The following SGMS1 variants were observed in gnomAD, a reference collection of about 807,000 sequenced individuals.
SGMS1 encodes the protein sphingomyelin synthase 1, also known as phosphatidylcholine:ceramide cholinephosphotransferase 1.
In SGMS1, 13 loss-of-function variants were observed where a neutral mutation model predicts 46.2. That is an observed-to-expected ratio of 0.28 (90% CI 0.18 to 0.45). SGMS1 has a LOEUF of 0.45. SGMS1 is among the 20% of genes least tolerant of loss of function. SGMS1 has a pLI of 1.00. For synonymous variants in SGMS1, 203 were observed against 187.8 expected (o/e 1.08, Z -0.66); for missense variants, 324 against 519.9 (o/e 0.62, Z 3.66).
intron 6 of SGMS1, among the ~76,000 whole-genome samples, chr10:50,353,764 CA>C (rs1382730885): frequency 6.6e-6 from 1 of 152,242 alleles, no homozygotes; most frequent in Non-Finnish European, 1.5e-5. Context: ...AATCAATGTG[CA>C]AAAATCACAA....
intron 1 of SGMS1, among the ~76,000 whole-genome samples, chr10:50,614,111 C>CT (rs143712383): frequency 0.25 from 35,587 of 145,080 alleles, 4,525 homozygotes; most frequent in Admixed American, 0.32. Flanking sequence ...GGAAGTCTTT[C>CT]TTTTTTTTTT....
intron 1 of SGMS1, among the ~76,000 whole-genome samples, chr10:50,599,802 G>T (rs1468624056): frequency 6.6e-6 from 1 of 152,138 alleles, no homozygotes; most frequent in Non-Finnish European, 1.5e-5. Context: ...GTCAGAGGTT[G>T]CAGTGAGCCA....
intron 6 of SGMS1, among the ~76,000 whole-genome samples, chr10:50,412,624 G>A (rs1849116696): frequency 6.6e-6 from 1 of 152,186 alleles, no homozygotes; most frequent in South Asian, 2.1e-4. Context: ...AAATCACTAA[G>A]ATGACAAAAT....
At chr10:50,394,932 T>C (rs1475099698) in intron 6 of SGMS1, among the ~76,000 whole-genome samples, 18 of 152,216 alleles carry the variant, frequency 1.2e-4, no homozygotes, top group Non-Finnish European at 2.5e-4. Context: ...CAAATCACTA[T>C]ACCATCACGA....
intron 1 of SGMS1, among the ~76,000 whole-genome samples, chr10:50,612,514 C>T (rs1478322999): frequency 6.6e-6 from 1 of 152,134 alleles, no homozygotes; most frequent in Non-Finnish European, 1.5e-5. Flanking sequence ...AAACAAGGAA[C>T]TGGAACCACT....
At chr10:50,607,668 T>C (rs1456785992) in intron 1 of SGMS1, among the ~76,000 whole-genome samples, 3 of 152,218 alleles carry the variant, frequency 2.0e-5, no homozygotes, top group East Asian at 1.9e-4. Flanking sequence ...GAAAAATGTG[T>C]AGAAGGACAA....
chr10:50,600,732 G>A (rs1838642152), intron 1 of SGMS1, among the ~76,000 whole-genome samples: 1 of 152,172 alleles, frequency 6.6e-6, no homozygotes, highest in Non-Finnish European at 1.5e-5. Flanking sequence ...TAACCTTTTT[G>A]AGAGTCTTCT....
At chr10:50,529,752 C>A (rs1278093701) in intron 2 of SGMS1, among the ~76,000 whole-genome samples, 1 of 152,048 alleles carries the variant, frequency 6.6e-6, no homozygotes, top group Non-Finnish European at 1.5e-5. Context: ...CTTGACACAG[C>A]AGAAATAAAG....
At chr10:50,515,791 C>T (rs980134300) in intron 3 of SGMS1, among the ~76,000 whole-genome samples, 4 of 152,278 alleles carry the variant, frequency 2.6e-5, no homozygotes, top group Non-Finnish European at 4.4e-5. Flanking sequence ...CCCAAGAATA[C>T]AAGGACACAG....
intron 4 of SGMS1, among the ~76,000 whole-genome samples, chr10:50,465,849 A>G (rs533377735): frequency 3.2e-4 from 48 of 148,484 alleles, no homozygotes; most frequent in African/African-American, 1.2e-3. Flanking sequence ...TTCCAGAGAC[A>G]AAAAAAAAAC....
intron 1 of SGMS1, among the ~76,000 whole-genome samples, chr10:50,602,666 C>T (rs1838659507): frequency 6.6e-6 from 1 of 152,118 alleles, no homozygotes; most frequent in Non-Finnish European, 1.5e-5. Context: ...AATAAATATG[C>T]ACACATACAT....
At chr10:50,374,965 G>A (rs983445546) in intron 6 of SGMS1, among the ~76,000 whole-genome samples, 56 of 152,088 alleles carry the variant, frequency 3.7e-4, no homozygotes, top group African/African-American at 1.3e-3. Context: ...CGCAGCCCGA[G>A]GCAGGTGAAA....
chr10:50,326,168 A>C (rs1847529647), intron 8 of SGMS1, among the ~76,000 whole-genome samples: 1 of 152,040 alleles, frequency 6.6e-6, no homozygotes, highest in African/African-American at 2.4e-5. Context: ...AAAATTAAAA[A>C]AATTAAAAAA....
At chr10:50,348,551 G>C (rs1183539918) in intron 6 of SGMS1, among the ~76,000 whole-genome samples, 1 of 152,092 alleles carries the variant, frequency 6.6e-6, no homozygotes, top group Non-Finnish European at 1.5e-5. Flanking sequence ...AATCATGAGT[G>C]AACTCCCATT....
intron 3 of SGMS1, among the ~76,000 whole-genome samples, chr10:50,474,835 A>G (rs1837406261): frequency 6.6e-6 from 1 of 152,220 alleles, no homozygotes; most frequent in Non-Finnish European, 1.5e-5. Flanking sequence ...AAATGATGCT[A>G]CAACCTTAAC....
intron 2 of SGMS1, among the ~76,000 whole-genome samples, chr10:50,533,247 T>C: frequency 6.6e-6 from 1 of 152,226 alleles, no homozygotes; most frequent in East Asian, 1.9e-4. Flanking sequence ...GAGAGCTTTT[T>C]CCCCAAGAAA....
At chr10:50,416,256 T>C (rs1479309041) in intron 6 of SGMS1, among the ~76,000 whole-genome samples, 1 of 152,214 alleles carries the variant, frequency 6.6e-6, no homozygotes. Flanking sequence ...CAACCTTAAA[T>C]GCTAACTTCC....
intron 2 of SGMS1, among the ~76,000 whole-genome samples, chr10:50,536,336 GAAAC>G (rs908066546): frequency 7.2e-5 from 11 of 151,766 alleles, no homozygotes; most frequent in South Asian, 2.1e-4. Flanking sequence ...AATGAACAAA[GAAAC>G]AAACAAACAA....
chr10:50,517,193 T>C (rs1837813929), intron 3 of SGMS1, among the ~76,000 whole-genome samples: 1 of 152,122 alleles, frequency 6.6e-6, no homozygotes, highest in Non-Finnish European at 1.5e-5. Context: ...TAATCCATAC[T>C]CACCCTGCAC....
Sources: allele counts gnomAD v4.1 joint callset (sites outside exome capture counted in the v4.1 genomes callset), GRCh38; gene constraint gnomAD v4.1.1; transcripts MANE v1.5; gene names NCBI Gene and HGNC (gene_info 2026-07-23, HGNC 2026-07-21).